SPRED1: variants seen among roughly 807,000 people sequenced by gnomAD.
SPRED1 encodes sprouty related EVH1 domain containing 1.
Under a neutral mutation model 52.3 loss-of-function variants are expected in SPRED1, and 18 were observed. That is an observed-to-expected ratio of 0.34 (90% CI 0.24 to 0.51). The LOEUF (loss-of-function observed/expected upper bound fraction) is 0.51. Among genes scored for constraint, SPRED1 ranks in the 20% least tolerant of loss-of-function variants. The pLI is 0.97. For synonymous variants in SPRED1, 155 were observed against 179.7 expected, an observed-to-expected ratio of 0.86 and a Z score of 1.10; for missense variants, 485 against 551.0, an observed-to-expected ratio of 0.88 and a Z score of 1.20.
intron 5 of SPRED1, among the ~76,000 whole-genome samples, chr15:38,346,416 G>C (rs1896137734): frequency 6.6e-6 from 1 of 151,950 alleles, no homozygotes; most frequent in African/African-American, 2.4e-5. Context: ...TACTTTCACG[G>C]GTTCATTTCC....
intron 1 of SPRED1, among the ~76,000 whole-genome samples, chr15:38,254,001 T>A (rs1276686202): frequency 6.6e-6 from 1 of 152,218 alleles, no homozygotes; most frequent in East Asian, 1.9e-4. Context: ...AAGTTTTAGC[T>A]TATTTGGGCT....
At chr15:38,324,994 T>C (rs1895684816) in intron 4 of SPRED1, among the ~76,000 whole-genome samples, 185 bp downstream of exon 4, 1 of 152,210 alleles carries the variant, frequency 6.6e-6, no homozygotes, top group African/African-American at 2.4e-5. Flanking sequence ...TCTGAAATGT[T>C]CCAAAATCTG....
At chr15:38,319,541 G>A (rs945885572) in intron 2 of SPRED1, among the ~76,000 whole-genome samples, 5 of 152,048 alleles carry the variant, frequency 3.3e-5, no homozygotes, top group African/African-American at 9.7e-5. Context: ...CACCACGCCC[G>A]GCTAATTTTT....
At chr15:38,253,502 A>C (rs973190064) in intron 1 of SPRED1, among the ~76,000 whole-genome samples, 2 of 152,084 alleles carry the variant, frequency 1.3e-5, no homozygotes, top group African/African-American at 4.8e-5. Flanking sequence ...AGTGGAGTAG[A>C]AACTACCCCT....
intron 1 of SPRED1, among the ~76,000 whole-genome samples, chr15:38,285,538 G>A (rs1344321027): frequency 6.6e-6 from 1 of 152,214 alleles, no homozygotes; most frequent in African/African-American, 2.4e-5. Flanking sequence ...TGAAGCAGGT[G>A]TATGCTTGGC....
chr15:38,318,623 TGCCA>T (rs1365919170), intron 2 of SPRED1, among the ~76,000 whole-genome samples: 1 of 152,138 alleles, frequency 6.6e-6, no homozygotes, highest in Non-Finnish European at 1.5e-5. Flanking sequence ...TGTCTATTAT[TGCCA>T]TCTTTGTGTC....
At chr15:38,288,499 G>A (rs538689200) in intron 1 of SPRED1, among the ~76,000 whole-genome samples, 1 of 152,270 alleles carries the variant, frequency 6.6e-6, no homozygotes, top group East Asian at 1.9e-4. Context: ...AGAGAAGGTG[G>A]ATGGATGCTG....
intron 2 of SPRED1, among the ~76,000 whole-genome samples, chr15:38,319,670 G>A (rs1895562259): frequency 6.6e-6 from 1 of 152,228 alleles, no homozygotes; most frequent in African/African-American, 2.4e-5. Context: ...GAGCCACTGT[G>A]CCTGGCGGTT....
chr15:38,350,972 C>T (rs1407771537), intron 6 of SPRED1, 42 bp from the exon 7 acceptor site: 4 of 1,582,806 alleles, frequency 2.5e-6, no homozygotes, highest in Admixed American at 1.7e-5. Context: ...TAAAATTAAC[C>T]ATCATAGCCC....
At chr15:38,303,157 T>C (rs1489354437) in intron 2 of SPRED1, among the ~76,000 whole-genome samples, 1 of 151,644 alleles carries the variant, frequency 6.6e-6, no homozygotes, top group Non-Finnish European at 1.5e-5. Flanking sequence ...GCACCTCCAA[T>C]GTGGGCAACA....
intron 5 of SPRED1, among the ~76,000 whole-genome samples, chr15:38,348,840 T>A (rs1896195118): frequency 6.6e-6 from 1 of 152,142 alleles, no homozygotes; most frequent in African/African-American, 2.4e-5. Context: ...AAATGGGCTT[T>A]GCAATTCGAA....
chr15:38,314,898 G>A (rs1257793130), intron 2 of SPRED1, among the ~76,000 whole-genome samples: 1 of 151,370 alleles, frequency 6.6e-6, no homozygotes, highest in Non-Finnish European at 1.5e-5. Flanking sequence ...TGAAGGTAAC[G>A]GAACTGCTAT....
intron 4 of SPRED1, among the ~76,000 whole-genome samples, chr15:38,333,300 A>G (rs1895843097): frequency 1.3e-5 from 2 of 152,172 alleles, no homozygotes; most frequent in South Asian, 4.1e-4. Context: ...GGAAAATTTG[A>G]AGCATGTCAT....
At chr15:38,341,604 C>A (rs763555028) in intron 5 of SPRED1, among the ~76,000 whole-genome samples, 2 of 152,050 alleles carry the variant, frequency 1.3e-5, no homozygotes, top group Non-Finnish European at 2.9e-5. Context: ...CTATCATTGG[C>A]AAAATGATGA....
chr15:38,260,118 A>G (rs1430650597), intron 1 of SPRED1, among the ~76,000 whole-genome samples: 1 of 152,226 alleles, frequency 6.6e-6, no homozygotes, highest in African/African-American at 2.4e-5. Context: ...TGCTTTAACA[A>G]CGTACTACAA....
chr15:38,328,782 T>C (rs1468182960), intron 4 of SPRED1, among the ~76,000 whole-genome samples: 1 of 152,072 alleles, frequency 6.6e-6, no homozygotes, highest in Non-Finnish European at 1.5e-5. Flanking sequence ...TGCAGTGGCA[T>C]GATCTCAGCT....
At chr15:38,336,217 T>C (rs1432951903) in intron 4 of SPRED1, among the ~76,000 whole-genome samples, 4 of 151,760 alleles carry the variant, frequency 2.6e-5, no homozygotes, top group Non-Finnish European at 5.9e-5. Context: ...TTATGCCATG[T>C]TCAAGTTGTT....
At chr15:38,337,212 A>G (rs1895941438) in intron 4 of SPRED1, among the ~76,000 whole-genome samples, 1 of 152,214 alleles carries the variant, frequency 6.6e-6, no homozygotes, top group Admixed American at 6.5e-5. Flanking sequence ...CCACTTTTTA[A>G]AAAACCTGTA....
chr15:38,282,308 C>G (rs2140965505), intron 1 of SPRED1, among the ~76,000 whole-genome samples: 1 of 132,706 alleles, frequency 7.5e-6, no homozygotes, highest in Admixed American at 8.0e-5. Flanking sequence ...AACCCCATCT[C>G]TACTAAAAAT....
Sources: allele counts gnomAD v4.1 joint callset (sites outside exome capture counted in the v4.1 genomes callset), GRCh38; gene constraint gnomAD v4.1.1; transcripts MANE v1.5; gene names NCBI Gene and HGNC (gene_info 2026-07-23, HGNC 2026-07-21).